Variants in DST observed in about 807,000 individuals in gnomAD.
DST encodes the protein bullous pemphigoid antigen.
Under a neutral mutation model 875.2 loss-of-function variants are expected in DST, and 253 were observed. That is an observed-to-expected ratio of 0.29 (90% CI 0.26 to 0.32). The LOEUF (loss-of-function observed/expected upper bound fraction) is 0.32, where lower values mean the gene tolerates loss of function less well. Among genes scored for constraint, DST ranks in the 10% least tolerant of loss-of-function variants. DST has a pLI of 1.00. For synonymous variants in DST, 3,124 were observed against 3,197.1 expected (o/e 0.98, Z 0.77); for missense variants, 8,287 against 9,111.6 (o/e 0.91, Z 3.68).
At chr6:56,488,087 A>C (rs577818693) in intron 86 of DST, among the ~76,000 whole-genome samples, 1 of 152,318 alleles carries the variant, frequency 6.6e-6, no homozygotes, top group African/African-American at 2.4e-5. Flanking sequence ...GAAATTTCTA[A>C]GTAATAGACA....
chr6:56,947,025 G>A (rs1819879714), intron 2 of DST, among the ~76,000 whole-genome samples: 1 of 152,146 alleles, frequency 6.6e-6, no homozygotes, highest in Non-Finnish European at 1.5e-5. Flanking sequence ...GGTGTCTGCA[G>A]TCAGAATATA....
intron 69 of DST, among the ~76,000 whole-genome samples, chr6:56,523,798 T>C (rs963834539): frequency 6.6e-6 from 1 of 152,156 alleles, no homozygotes; most frequent in Non-Finnish European, 1.5e-5. Flanking sequence ...TCAAGACACA[T>C]GTCCTTACCC....
In DST at chr6:56,470,109, A is replaced by G. The variant is rs954701679; in HGVS notation, c.22476+19T>C. ...GAACATACTATCAGTGTTGTACGCA[A>G]TGGGAAGATAATGAGTACCTCATCT... On this transcript the variant is annotated intron_variant, in intron 96 of 103. Coordinates refer to ENST00000680361, the MANE Select transcript of DST (RefSeq NM_001374736.1). The G allele has an allele frequency of 9.3e-6, 15 of 1,610,736 alleles. No individual in the cohort carries two copies. Among genetic ancestry groups the G allele is most frequent in the Admixed American group, 1.7e-5 (1 of 59,802 alleles).
chr6:56,734,127 A>G (rs1286491518), intron 5 of DST, among the ~76,000 whole-genome samples: 2 of 152,346 alleles, frequency 1.3e-5, no homozygotes, highest in African/African-American at 4.8e-5. Context: ...GAACTGCCGC[A>G]TGCTGCGTCA....
chr6:56,696,718 T>A (rs190036228), intron 9 of DST, among the ~76,000 whole-genome samples: 1 of 152,246 alleles, frequency 6.6e-6, no homozygotes, highest in East Asian at 1.9e-4. Context: ...CCATCTTAAT[T>A]TTCTTGTGGT....
At chr6:56,819,359 A>G (rs1341555064) in intron 4 of DST, among the ~76,000 whole-genome samples, 1 of 152,216 alleles carries the variant, frequency 6.6e-6, no homozygotes, top group Non-Finnish European at 1.5e-5. Context: ...AGCTCAATGC[A>G]TTAAAATATC....
chr6:56,584,743 C>T (rs2098110739), intron 49 of DST, among the ~76,000 whole-genome samples: 1 of 151,946 alleles, frequency 6.6e-6, no homozygotes, highest in Admixed American at 6.5e-5. Flanking sequence ...TCATAGATAG[C>T]TCTTATTATT....
At chr6:56,678,119 C>T (rs986272881) in intron 9 of DST, among the ~76,000 whole-genome samples, 7 of 152,176 alleles carry the variant, frequency 4.6e-5, no homozygotes, top group Non-Finnish European at 8.8e-5. Context: ...TCTGGCTCTC[C>T]TCCTTCCTCT....
intron 47 of DST, 81 bp downstream of exon 47, chr6:56,597,659 A>C: frequency 7.0e-7 from 1 of 1,429,748 alleles, no homozygotes; most frequent in Non-Finnish European, 9.4e-7. Context: ...AGGTTTGAAA[A>C]GAACTCATGT....
rs1244686621 is a variant in DST at position 56,631,311 on chromosome 6, C to G, written c.4042G>C (p.Ala1348Pro). Reference protein sequence around the residue: ...TNKCEEFFSQAAASSSVPTLR... With the variant: ...TNKCEEFFSQPAASSSVPTLR... The stretch of plus-strand genomic sequence containing the variant: ...GTAGGGACTGATGAAGAGGCTGCTG[C>G]TTGACTGAAAAACTCCTCACACTTA... Residue 1348 changes from alanine to proline, a missense_variant, in exon 30 of 104, where the codon GCA becomes CCA. Around this residue, in one of 10 missense-constraint regions of DST, gnomAD observed 3,138 missense variants for 3,116.6 expected, o/e 1.01. Transcript: ENST00000680361. The G allele has an allele frequency of 4.3e-6, 7 of 1,613,874 alleles. No homozygotes were observed. The Admixed American group carries it at 1.2e-4, about 27-fold the overall frequency.
intron 2 of DST, among the ~76,000 whole-genome samples, chr6:56,929,316 T>C (rs1469527467): frequency 1.3e-5 from 2 of 152,140 alleles, no homozygotes; most frequent in African/African-American, 4.8e-5. Context: ...AAATCCCAAA[T>C]ACATTAATAG....
intron 88 of DST, chr6:56,484,864 T>C (rs1278732394): frequency 6.4e-6 from 1 of 155,998 alleles, no homozygotes; most frequent in Admixed American, 6.5e-5. Context: ...CAGTTTTGGT[T>C]CGGTATTTTT....
At chr6:56,885,848 T>C (rs1489017764) in intron 3 of DST, among the ~76,000 whole-genome samples, 1 of 152,174 alleles carries the variant, frequency 6.6e-6, no homozygotes, top group Non-Finnish European at 1.5e-5. Context: ...GGTATTCTCT[T>C]ATAGCAACAC....
intron 97 of DST, among the ~76,000 whole-genome samples, chr6:56,469,354 A>AG (rs943320302): frequency 6.7e-6 from 1 of 149,110 alleles, no homozygotes; most frequent in Non-Finnish European, 1.5e-5. Flanking sequence ...GTTCCAAAAG[A>AG]GAAAAAAAAA....
intron 2 of DST, among the ~76,000 whole-genome samples, chr6:56,903,463 T>G (rs1795027697): frequency 6.6e-6 from 1 of 152,126 alleles, no homozygotes; most frequent in Non-Finnish European, 1.5e-5. Context: ...ATTTATGATA[T>G]AAAAAAATTT....
At chr6:56,682,085 A>C (rs1166091825) in intron 9 of DST, among the ~76,000 whole-genome samples, 6 of 152,248 alleles carry the variant, frequency 3.9e-5, no homozygotes, top group Non-Finnish European at 7.3e-5. Context: ...GGAGGTCAAC[A>C]TGCCTACATA....
At chr6:56,602,823 T>C (rs1029228623) in intron 43 of DST, 59 bp downstream of exon 43, 1 of 1,263,926 alleles carries the variant, frequency 7.9e-7, no homozygotes, top group African/African-American at 1.5e-5. Context: ...TAAACACTTG[T>C]TATATATTAA....
In DST at chr6:56,463,147, G is replaced by T. The variant is rs1434503502; in HGVS notation, c.22969C>A (p.Pro7657Thr). The change falls in exon 102 of 104, where the codon CCT (proline) becomes ACT (threonine). Residue 7657 changes from proline (P) to threonine (T), a missense_variant. Physicochemically the swap from Pro to Thr is conservative, Grantham distance 38. Around this residue, in one of 10 missense-constraint regions of DST, gnomAD observed 240 missense variants for 237.3 expected, o/e 1.01. Transcript: ENST00000680361. ...PATTTPKILH[P>T]LTRNYGKPWL... ...GGTTTACCATAATTGCGTGTTAAAG[G>T]ATGGAGAATCTGTATGGAACAATGG... The T allele has an allele frequency of 6.2e-7, 1 of 1,605,536 alleles. No homozygotes were observed.
At chr6:56,466,042 A>G in intron 99 of DST, 36 bp downstream of exon 99, 1 of 1,486,128 alleles carries the variant, frequency 6.7e-7, no homozygotes, top group South Asian at 1.2e-5. Flanking sequence ...AAATTGAAAT[A>G]CTTTCATGAT....
Sources: allele counts gnomAD v4.1 joint callset (sites outside exome capture counted in the v4.1 genomes callset), GRCh38; gene constraint gnomAD v4.1.1; regional missense constraint gnomAD v4.1.1; transcripts MANE v1.5; gene names NCBI Gene and HGNC (gene_info 2026-07-23, HGNC 2026-07-21).